EML6: variants seen among roughly 807,000 people sequenced by gnomAD.
EML6 encodes the protein EMAP like 6.
In EML6, 154 loss-of-function variants were observed where a neutral mutation model predicts 240.1. The observed-to-expected ratio is 0.64, with a 90% CI of 0.56 to 0.73. EML6 has a LOEUF of 0.73. Ranked by LOEUF, EML6 falls within the 30% of genes least tolerant of loss-of-function variation. The probability of loss-of-function intolerance (pLI) is 0.00; values close to 1 mark genes in which losing one functional copy is unlikely to be tolerated. For synonymous variants in EML6, 1,148 were observed against 899.0 expected (o/e 1.28, Z -4.95); for missense variants, 2,964 against 2,474.6 (o/e 1.20, Z -4.20).
chr2:54,727,583 C>G (rs1310797665), intron 2 of EML6, among the ~76,000 whole-genome samples: 1 of 152,166 alleles, frequency 6.6e-6, no homozygotes, highest in Non-Finnish European at 1.5e-5. Context: ...ATTCTTCCAC[C>G]TGAAATATTG....
chr2:54,873,754 C>G (rs989654548), intron 16 of EML6, among the ~76,000 whole-genome samples: 2 of 144,088 alleles, frequency 1.4e-5, no homozygotes, highest in African/African-American at 5.2e-5. Context: ...AAATAAATAA[C>G]AACAGCTAAA....
intron 2 of EML6, among the ~76,000 whole-genome samples, chr2:54,801,859 A>G (rs768766281): frequency 2.0e-5 from 3 of 152,196 alleles, no homozygotes; most frequent in African/African-American, 4.8e-5. Context: ...ACTTTTAAAA[A>G]CTGGATTTTA....
intron 19 of EML6, among the ~76,000 whole-genome samples, chr2:54,893,192 T>A (rs953416788): frequency 7.2e-5 from 11 of 152,230 alleles, no homozygotes; most frequent in African/African-American, 2.7e-4. Flanking sequence ...CTGGTCTGTC[T>A]ACTTGCCTTG....
At chr2:54,834,962 T>C (rs946595684) in intron 7 of EML6, among the ~76,000 whole-genome samples, 1 of 152,202 alleles carries the variant, frequency 6.6e-6, no homozygotes, top group Admixed American at 6.5e-5. Flanking sequence ...CCTGCAATGA[T>C]TCATCTTACC....
intron 32 of EML6, among the ~76,000 whole-genome samples, chr2:54,955,968 T>C (rs973171867): frequency 2.8e-4 from 43 of 152,166 alleles, no homozygotes; most frequent in African/African-American, 1.0e-3. Context: ...TATGTATCAC[T>C]AGAGAGCCTA....
chr2:54,903,089 T>C lies in EML6; in HGVS notation c.3170T>C (p.Val1057Ala). ...TCCCCTGATGGGAAAGCCTTAGCGGTTGGCTTGAACGATGGGAGTTTCCTG... is the reference window on the plus strand; with the variant it reads ...TCCCCTGATGGGAAAGCCTTAGCGGCTGGCTTGAACGATGGGAGTTTCCTG... ...AFSPDGKALA[V>A]GLNDGSFLVV... The change falls in exon 23 of 42, where the codon GTT becomes GCT. Residue 1057 changes from valine to alanine, a missense_variant. By Grantham distance (64) the Val-to-Ala change is moderately conservative (BLOSUM62 0). Coordinates refer to ENST00000356458, the MANE Select transcript of EML6 (RefSeq NM_001039753.4). 6.4e-7 allele frequency: 1 copy of C among 1,551,830 alleles called. No individual in the cohort carries two copies. The highest frequency in any genetic ancestry group is 8.7e-7 in the Non-Finnish European group (1 of 1,147,000).
intron 25 of EML6, among the ~76,000 whole-genome samples, chr2:54,916,006 A>G (rs1044155858): frequency 1.3e-5 from 2 of 152,246 alleles, no homozygotes; most frequent in South Asian, 4.1e-4. Flanking sequence ...TTTAACCTAT[A>G]CAAATTACAA....
intron 2 of EML6, among the ~76,000 whole-genome samples, chr2:54,796,881 C>G (rs1316371971): frequency 2.0e-5 from 3 of 151,928 alleles, no homozygotes; most frequent in African/African-American, 7.3e-5. Context: ...CAGGTAGTCA[C>G]AAGGCGGGGA....
chr2:54,744,240 T>G (rs1043527827), intron 2 of EML6, among the ~76,000 whole-genome samples: 8 of 152,076 alleles, frequency 5.3e-5, no homozygotes, highest in Admixed American at 4.6e-4. Flanking sequence ...CAGTCTTTTG[T>G]GGGGAAAGGA....
At chr2:54,758,686 T>C (rs565329363) in intron 2 of EML6, among the ~76,000 whole-genome samples, 3 of 152,352 alleles carry the variant, frequency 2.0e-5, no homozygotes, top group South Asian at 4.1e-4. Flanking sequence ...TCTTGTTCAC[T>C]GTTAAATATC....
rs867300864 is a variant in EML6 at position 54,857,825 on chromosome 2, C to A, written c.1658-1709C>A. On this transcript the variant is annotated intron_variant, in intron 11 of 41. Coordinates refer to ENST00000356458, the MANE Select transcript of EML6 (RefSeq NM_001039753.4). ...CATGTTTAGGGAATAGCAAAGAGAC[C>A]AATGTACCCAGAGCAGAGTGAGTGA... Among the ~76,000 whole-genome samples the A allele has an allele frequency of 3.9e-5, 6 of 152,004 alleles. No homozygotes were observed. The South Asian group carries it at 1.0e-3, about 26-fold the overall frequency.
At chr2:54,937,933 C>T (rs546995016) in intron 28 of EML6, among the ~76,000 whole-genome samples, 14 of 152,262 alleles carry the variant, frequency 9.2e-5, no homozygotes, top group South Asian at 4.2e-4. Context: ...TTTCCTCTTA[C>T]GTATAAAACC....
At chr2:54,882,875 G>GAAAAAA (rs1671909615) in intron 17 of EML6, 1 of 43,848 alleles carries the variant, frequency 2.3e-5, no homozygotes, top group Non-Finnish European at 4.5e-5. Flanking sequence ...AAAAAAAAAA[G>GAAAAAA]AAAGCTTAGG....
intron 5 of EML6, among the ~76,000 whole-genome samples, chr2:54,825,639 C>T (rs1395183158): frequency 6.6e-6 from 1 of 152,118 alleles, no homozygotes; most frequent in Non-Finnish European, 1.5e-5. Flanking sequence ...GAGCTGATAC[C>T]TTTTTCTGAG....
intron 11 of EML6, among the ~76,000 whole-genome samples, chr2:54,854,376 C>T (rs1320518550): frequency 6.6e-6 from 1 of 152,160 alleles, no homozygotes; most frequent in Non-Finnish European, 1.5e-5. Context: ...AAGCAACCCT[C>T]TTTGCCCTCA....
In EML6 at chr2:54,891,109, C is replaced by G; in HGVS notation, c.2494C>G (p.Leu832Val). The G allele has an allele frequency of 6.6e-7, 1 of 1,509,494 alleles. No homozygotes were observed. Among genetic ancestry groups the G allele is most frequent in the Non-Finnish European group, 9.0e-7 (1 of 1,115,502 alleles). 93.5% of individuals were successfully genotyped at this position (1,509,494 alleles called of 1,614,324 possible). A position where few individuals can be genotyped will look rare whatever the true frequency, so the allele number is the denominator to read the frequency against. Residue 832 changes from leucine (L) to valine (V), a missense_variant, in exon 18 of 42, where the codon CTG becomes GTG. Transcript: ENST00000356458. Reference sequence around the variant, plus strand: ...GTGTAACCCACACCATGTTGACAAACTGGTTACAGTTGGGATAAAACACAT... The same window carrying G: ...GTGTAACCCACACCATGTTGACAAAGTGGTTACAGTTGGGATAAAACACAT... ...VKCNPHHVDK[L>V]VTVGIKHIKF...
At chr2:54,857,171 G>A (rs1350929057) in intron 11 of EML6, among the ~76,000 whole-genome samples, 1 of 152,216 alleles carries the variant, frequency 6.6e-6, no homozygotes, top group Non-Finnish European at 1.5e-5. Flanking sequence ...TGTTTTCCTT[G>A]TTGTAAGTTA....
At chr2:54,776,000 T>C (rs1668578104) in intron 2 of EML6, among the ~76,000 whole-genome samples, 1 of 152,206 alleles carries the variant, frequency 6.6e-6, no homozygotes, top group South Asian at 2.1e-4. Context: ...CATTATGTAT[T>C]CTATTTAATA....
chr2:54,883,423 C>G (rs1409820554), intron 17 of EML6, among the ~76,000 whole-genome samples: 1 of 152,126 alleles, frequency 6.6e-6, no homozygotes, highest in Non-Finnish European at 1.5e-5. Context: ...CTGTTAAAGG[C>G]TACTGCCACA....
Sources: allele counts gnomAD v4.1 joint callset (sites outside exome capture counted in the v4.1 genomes callset), GRCh38; gene constraint gnomAD v4.1.1; transcripts MANE v1.5; gene names NCBI Gene and HGNC (gene_info 2026-07-23, HGNC 2026-07-21).